The following SYT1 variants were observed in gnomAD, a reference collection of about 807,000 sequenced individuals.
SYT1 encodes synaptotagmin-1.
In SYT1, 8 loss-of-function variants were observed where a neutral mutation model predicts 44.8. The observed-to-expected ratio is 0.18, with a 90% CI of 0.10 to 0.32. The LOEUF is 0.32. Among genes scored for constraint, SYT1 ranks in the 10% least tolerant of loss-of-function variants. The pLI is 1.00. For missense variants in SYT1, 286 were observed against 509.3 expected, an observed-to-expected ratio of 0.56 and a Z score of 4.22; for synonymous variants, 154 against 188.8, an observed-to-expected ratio of 0.82 and a Z score of 1.51.
At chr12:78,939,810 T>C (rs1245830436) in intron 1 of SYT1, among the ~76,000 whole-genome samples, 1 of 152,192 alleles carries the variant, frequency 6.6e-6, no homozygotes, top group Non-Finnish European at 1.5e-5. Context: ...TGGAAGGCAA[T>C]GATGGCCAAA....
intron 3 of SYT1, among the ~76,000 whole-genome samples, chr12:79,113,214 A>AT: frequency 6.6e-6 from 1 of 152,284 alleles, no homozygotes; most frequent in East Asian, 1.9e-4. Context: ...TACTGAGTAT[A>AT]TTGTGCTAAT....
At chr12:78,994,895 T>G (rs2137502635) in intron 2 of SYT1, among the ~76,000 whole-genome samples, 1 of 152,200 alleles carries the variant, frequency 6.6e-6, no homozygotes, top group East Asian at 1.9e-4. Context: ...AGTTTCTGTT[T>G]TTTGTTTTTT....
At chr12:79,052,191 T>C (rs1874553957) in intron 3 of SYT1, among the ~76,000 whole-genome samples, 1 of 152,124 alleles carries the variant, frequency 6.6e-6, no homozygotes, top group Admixed American at 6.6e-5. Context: ...GTTTGTATCC[T>C]CTTTTATTTC....
chr12:79,442,322 T>C (rs543420657), intron 9 of SYT1, among the ~76,000 whole-genome samples: 1 of 152,306 alleles, frequency 6.6e-6, no homozygotes, highest in Non-Finnish European at 1.5e-5. Context: ...AACAGTAACA[T>C]GGATTATCAG....
chr12:79,332,239 T>C (rs1881887788), intron 8 of SYT1, among the ~76,000 whole-genome samples: 1 of 152,222 alleles, frequency 6.6e-6, no homozygotes, highest in Non-Finnish European at 1.5e-5. Flanking sequence ...ATTCACATCA[T>C]ACATTTGCAG....
At chr12:79,394,875 G>C (rs1288423816) in intron 9 of SYT1, among the ~76,000 whole-genome samples, 1 of 152,068 alleles carries the variant, frequency 6.6e-6, no homozygotes, top group African/African-American at 2.4e-5. Flanking sequence ...AATACATTAG[G>C]TTATTACCCT....
chr12:79,383,211 A>C (rs1201857174), intron 9 of SYT1, among the ~76,000 whole-genome samples: 1 of 152,156 alleles, frequency 6.6e-6, no homozygotes, highest in African/African-American at 2.4e-5. Flanking sequence ...TACCTAAGCT[A>C]TAGGGTATAG....
chr12:79,003,297 T>TC (rs547142421), intron 2 of SYT1, among the ~76,000 whole-genome samples: 1 of 151,690 alleles, frequency 6.6e-6, no homozygotes, highest in East Asian at 1.9e-4. Flanking sequence ...CTAGAACTGA[T>TC]CCCCCCCACC....
At chr12:79,044,227 A>G (rs867586325) in intron 2 of SYT1, among the ~76,000 whole-genome samples, 152 of 152,262 alleles carry the variant, frequency 1.0e-3, no homozygotes, top group Middle Eastern at 3.4e-3. Flanking sequence ...AGTGTTTTCC[A>G]ACTTGGTTCC....
chr12:79,148,435 CT>C (rs1446083152), intron 3 of SYT1, among the ~76,000 whole-genome samples: 7 of 152,098 alleles, frequency 4.6e-5, no homozygotes, highest in Admixed American at 3.9e-4. Flanking sequence ...GAAATTGACA[CT>C]TTTAATTTCA....
At chr12:79,290,394 G>T (rs1879522425) in intron 5 of SYT1, among the ~76,000 whole-genome samples, 1 of 152,174 alleles carries the variant, frequency 6.6e-6, no homozygotes, top group African/African-American at 2.4e-5. Flanking sequence ...GAGTAAGTGG[G>T]TGGATTGAAC....
rs572170908 is a variant in SYT1 at position 79,228,149 on chromosome 12, G to A, written c.166+10464G>A. Among the ~76,000 whole-genome samples the A allele has an allele frequency of 3.3e-5, 5 of 150,584 alleles. No individual in the cohort carries two copies. The East Asian group carries it at 5.9e-4, about 18-fold the overall frequency. ...AATGCCTAGCAAAATTCCATACATC[G>A]TAGGTTCTTAAGGATACCAGTTTTC... On this transcript the variant is annotated intron_variant, in intron 4 of 10. Coordinates refer to ENST00000261205, the MANE Select transcript of SYT1 (RefSeq NM_005639.3).
In SYT1 at chr12:79,217,530, A is replaced by C; in HGVS notation, c.11A>C (p.Glu4Ala). 1 of 1,595,770 alleles carries C rather than the reference A, an allele frequency of 6.3e-7. No homozygotes were observed. Among genetic ancestry groups the C allele is most frequent in the South Asian group, 1.1e-5 (1 of 89,258 alleles). Reference protein sequence around the residue: MVSESHHEALAAPP... With the variant: MVSASHHEALAAPP... ...TCACCTGAACCTAAAATGGTGAGCG[A>C]GAGTCACCATGAGGCCCTGGCAGCC... The change falls in exon 4 of 11, where the codon GAG becomes GCG. Residue 4 changes from glutamate (E) to alanine (A), a missense_variant. This residue lies in a region of SYT1 where 141 missense variants were observed against 165.7 expected (regional missense o/e 0.85). Transcript: ENST00000261205.
intron 1 of SYT1, among the ~76,000 whole-genome samples, chr12:78,897,607 G>A (rs1875433209): frequency 6.6e-6 from 1 of 151,972 alleles, no homozygotes; most frequent in Non-Finnish European, 1.5e-5. Context: ...GATTTCATAT[G>A]CTGATATGCT....
chr12:79,212,749 A>C (rs1874536675), intron 3 of SYT1, among the ~76,000 whole-genome samples: 1 of 152,222 alleles, frequency 6.6e-6, no homozygotes, highest in Admixed American at 6.5e-5. Context: ...GAAAATCATA[A>C]ATACTTCTTC....
chr12:79,098,910 A>G (rs567975790), intron 3 of SYT1, among the ~76,000 whole-genome samples: 10 of 152,146 alleles, frequency 6.6e-5, no homozygotes, highest in African/African-American at 2.4e-4. Flanking sequence ...AGCAACTTCA[A>G]CTGGTCCAAT....
At chr12:79,198,376 A>G (rs1323860885) in intron 3 of SYT1, among the ~76,000 whole-genome samples, 1 of 152,166 alleles carries the variant, frequency 6.6e-6, no homozygotes, top group Non-Finnish European at 1.5e-5. Context: ...CTAATATTCT[A>G]ATTTCTGTTT....
chr12:78,909,364 T>G (rs1876178435), intron 1 of SYT1, among the ~76,000 whole-genome samples: 1 of 151,498 alleles, frequency 6.6e-6, no homozygotes, highest in Non-Finnish European at 1.5e-5. Context: ...AATAATTTAT[T>G]TTTTTTCTTA....
chr12:79,026,667 T>A (rs868784334), intron 2 of SYT1, among the ~76,000 whole-genome samples: 28 of 102,258 alleles, frequency 2.7e-4, no homozygotes, highest in Admixed American at 4.4e-4. Context: ...CATATATATT[T>A]TATATATATA....
Sources: allele counts gnomAD v4.1 joint callset (sites outside exome capture counted in the v4.1 genomes callset), GRCh38; gene constraint gnomAD v4.1.1; regional missense constraint gnomAD v4.1.1; transcripts MANE v1.5; gene names NCBI Gene and HGNC (gene_info 2026-07-23, HGNC 2026-07-21).